FGF13: variants seen among roughly 807,000 people sequenced by gnomAD.
The protein encoded by FGF13 is fibroblast growth factor 13.
FGF13 carries 2 observed loss-of-function variants against 19.5 expected under a neutral mutation model. The ratio of observed to expected loss-of-function variants is 0.10; its 90% CI spans 0.04 to 0.32. The LOEUF is 0.32. Among genes scored for constraint, FGF13 ranks in the 10% least tolerant of loss-of-function variants. The pLI is 1.00. For missense variants in FGF13, 113 were observed against 192.7 expected, an observed-to-expected ratio of 0.59 and a Z score of 2.45; for synonymous variants, 72 against 76.9, an observed-to-expected ratio of 0.94 and a Z score of 0.33.
At chrX:138,855,195 C>T (rs968834094), downstream of FGF13, among the ~76,000 whole-genome samples, 5 of 111,398 alleles carry the variant, frequency 4.5e-5, no homozygotes, top group African/African-American at 1.3e-4. Flanking sequence ...TGATGAGCTT[C>T]GATATCCTAC....
intron 1 of FGF13, 77 bp downstream of exon 1, chrX:138,710,740 A>G: frequency 8.5e-7 from 1 of 1,170,519 alleles, no homozygotes; most frequent in Non-Finnish European, 1.1e-6. Context: ...AAACTCACCT[A>G]TGCTACATAC....
At chrX:138,897,516 G>C (rs1445693614) in intron 1 of FGF13, among the ~76,000 whole-genome samples, 1 of 111,659 alleles carries the variant, frequency 9.0e-6, no homozygotes, top group Non-Finnish European at 1.9e-5. Context: ...AGGTAGAGTT[G>C]TTGAGAATCT....
chrX:138,621,400 C>T lies in FGF13; in HGVS notation c.*11450G>A, dbSNP rs1424419086. ...CAAATCAAAAGAAAAATTTAAAAAA[C>T]TTGAGACAAACAAAAGTGGAAAAAC... On this transcript the variant is annotated 3_prime_UTR_variant, in exon 5 of 5. Coordinates refer to ENST00000315930, the MANE Select transcript of FGF13 (RefSeq NM_004114.5). 6 of 110,614 alleles carry T rather than the reference C, an allele frequency of 5.4e-5. No individual in the cohort carries two copies. Among genetic ancestry groups the T allele is most frequent in the Non-Finnish European group, 1.1e-4 (6 of 52,832 alleles). 9.1% of individuals were successfully genotyped at this position (110,614 alleles called of 1,213,427 possible). A position where few individuals can be genotyped will look rare whatever the true frequency, so the allele number is the denominator to read the frequency against.
intron 1 of FGF13, among the ~76,000 whole-genome samples, chrX:139,021,106 C>T (rs1334285982): frequency 9.0e-6 from 1 of 110,935 alleles, no homozygotes; most frequent in Non-Finnish European, 1.9e-5. Context: ...CTAAGACGTT[C>T]TCCACTAAGG....
chrX:139,088,687 TG>T (rs1161770067), intron 1 of FGF13, among the ~76,000 whole-genome samples: 11 of 111,722 alleles, frequency 9.8e-5, no homozygotes, highest in Admixed American at 8.5e-4. Flanking sequence ...ATGAGAAGGT[TG>T]ACTGCTGTGA....
At chrX:138,694,758 G>A (rs982834491) in intron 3 of FGF13, among the ~76,000 whole-genome samples, 4 of 109,482 alleles carry the variant, frequency 3.7e-5, no homozygotes, top group African/African-American at 1.3e-4. Flanking sequence ...TTACAGGCGT[G>A]AGCCCACGTG....
At chrX:138,979,414 T>A (rs759408710) in intron 1 of FGF13, among the ~76,000 whole-genome samples, 18 of 110,476 alleles carry the variant, frequency 1.6e-4, no homozygotes, top group South Asian at 3.9e-4. Flanking sequence ...TTTTTTTTTT[T>A]ATATTATTAT....
intron 1 of FGF13, among the ~76,000 whole-genome samples, chrX:138,987,626 T>G (rs1276392302): frequency 8.9e-6 from 1 of 112,227 alleles, no homozygotes; most frequent in Non-Finnish European, 1.9e-5. Context: ...ATCCAAATGA[T>G]GTATAAAAAA....
chrX:139,048,729 T>C (rs1390984343), intron 1 of FGF13, among the ~76,000 whole-genome samples: 1 of 110,961 alleles, frequency 9.0e-6, no homozygotes. Flanking sequence ...AGTGTCAGTA[T>C]AATTAAAAGC....
At chrX:139,008,626 G>A (rs1569441093) in intron 1 of FGF13, among the ~76,000 whole-genome samples, 1 of 112,055 alleles carries the variant, frequency 8.9e-6, no homozygotes, top group Non-Finnish European at 1.9e-5. Context: ...CAGCTCTCAG[G>A]AAGCCCCATT....
At chrX:139,002,833 G>A (rs756115091) in intron 1 of FGF13, among the ~76,000 whole-genome samples, 5 of 111,794 alleles carry the variant, frequency 4.5e-5, no homozygotes, top group African/African-American at 1.3e-4. Context: ...GACTTACCAT[G>A]TGCTGACTAA....
intron 1 of FGF13, among the ~76,000 whole-genome samples, chrX:138,938,770 T>C (rs1159459006): frequency 5.4e-5 from 6 of 112,046 alleles, no homozygotes; most frequent in Non-Finnish European, 9.4e-5. Context: ...TAAATACAGA[T>C]TGCTCCCCAA....
intron 1 of FGF13, among the ~76,000 whole-genome samples, chrX:139,138,702 C>T (rs760253593): frequency 1.7e-4 from 19 of 111,405 alleles, no homozygotes; most frequent in African/African-American, 5.9e-4. Context: ...GCAAGCTTCC[C>T]TACCACAGAG....
chrX:138,773,853 G>A (rs1476073184), intron 3 of FGF13, among the ~76,000 whole-genome samples: 1 of 112,084 alleles, frequency 8.9e-6, no homozygotes, highest in Non-Finnish European at 1.9e-5. Context: ...CTTACCTTAT[G>A]TAGCTTCTGT....
intron 1 of FGF13, among the ~76,000 whole-genome samples, chrX:138,872,733 G>A (rs1362931629): frequency 8.9e-6 from 1 of 112,082 alleles, no homozygotes; most frequent in African/African-American, 3.2e-5. Flanking sequence ...CTCTTTTATG[G>A]AAGTGGTAGA....
At chrX:138,967,303 CA>C (rs1367191184) in intron 1 of FGF13, among the ~76,000 whole-genome samples, 6 of 111,125 alleles carry the variant, frequency 5.4e-5, no homozygotes, top group African/African-American at 2.0e-4. Flanking sequence ...TAACGAATAC[CA>C]TTTGTTGAAG....
At chrX:138,742,984 T>G (rs761494926), upstream of FGF13, among the ~76,000 whole-genome samples, 4 of 111,542 alleles carry the variant, frequency 3.6e-5, no homozygotes, top group African/African-American at 1.3e-4. Context: ...TTGGGAAGAA[T>G]TGATGGAAAG....
chrX:138,743,175 CTG>C (rs2090331138), upstream of FGF13, among the ~76,000 whole-genome samples: 1 of 111,779 alleles, frequency 8.9e-6, no homozygotes, highest in African/African-American at 3.3e-5. Context: ...AATAAGTAAA[CTG>C]TGGTACATCG....
chrX:138,645,032 G>A (rs907788047), intron 3 of FGF13, among the ~76,000 whole-genome samples: 4 of 112,084 alleles, frequency 3.6e-5, no homozygotes, highest in Non-Finnish European at 5.6e-5. Flanking sequence ...CATTTGTCAC[G>A]AATCTGAATG....
Sources: gnomAD v4.1 joint callset for allele counts (sites outside exome capture counted in the v4.1 genomes callset) on GRCh38, gnomAD v4.1.1 for gene constraint, MANE v1.5 for transcripts, NCBI Gene and HGNC (gene_info 2026-07-23, HGNC 2026-07-21) for gene names.